The following SRRM2 variants were observed in gnomAD, a reference collection of about 807,000 sequenced individuals.
The protein encoded by SRRM2 is serine/arginine repetitive matrix 2, also known as serine/arginine repetitive matrix protein 2.
In SRRM2, 30 loss-of-function variants were observed where a neutral mutation model predicts 213.8. The observed-to-expected ratio is 0.14, with a 90% CI of 0.10 to 0.19. SRRM2 has a LOEUF of 0.19. SRRM2 is among the 10% of genes least tolerant of loss of function. The pLI is 1.00. For missense variants in SRRM2, 4,904 were observed against 3,647.0 expected (o/e 1.34, Z -8.88); for synonymous variants, 2,025 against 1,377.7 (o/e 1.47, Z -10.40).
In SRRM2 at chr16:2,765,013, G is replaced by T. The variant is rs140489489; in HGVS notation, c.4485G>T (p.Pro1495=). 6.2e-7 allele frequency: 1 copy of T among 1,613,866 alleles called. No homozygotes were observed. Among genetic ancestry groups the T allele is most frequent in the Non-Finnish European group, 8.5e-7 (1 of 1,180,018 alleles). Residue 1495 remains proline, a synonymous_variant, in exon 11 of 15, where the codon CCG becomes CCT. Coordinates refer to ENST00000301740, the MANE Select transcript of SRRM2 (RefSeq NM_016333.4). ...AAGCTTTGCCTCAGACTCCTAGGCC[G>T]AGGAGTCGTTCTCCATCATCCCCAG... ...EPKALPQTPR[P]RSRSPSSPEL... is the part of the protein sequence containing the mutation.
At chr16:2,757,411 G>C (rs1781669823) in intron 2 of SRRM2, 61 bp from the exon 3 acceptor site, 1 of 1,522,504 alleles carries the variant, frequency 6.6e-7, no homozygotes, top group African/African-American at 1.4e-5. Context: ...GAGGGAAATG[G>C]AAACCTGGGA....
In SRRM2 at chr16:2,756,345, C is replaced by T. The variant is rs763337095; in HGVS notation, c.-20C>T. The T allele has an allele frequency of 4.1e-5, 64 of 1,563,910 alleles. No individual in the cohort carries two copies. Among genetic ancestry groups the T allele is most frequent in the Non-Finnish European group, 5.1e-5 (59 of 1,159,186 alleles). On this transcript the variant is annotated 5_prime_UTR_variant, in exon 2 of 15. Transcript: ENST00000301740. ...CCGCTCCCCCTCAGGAGCGGTGGTG[C>T]CCCCCCCGGGCACGGGGCCATGTAC...
intron 10 of SRRM2, 107 bp from the exon 11 acceptor site, chr16:2,761,454 G>GGT: frequency 1.2e-6 from 1 of 869,526 alleles, no homozygotes; most frequent in Non-Finnish European, 1.7e-6. Flanking sequence ...GTGGTCAGAG[G>GGT]GTGTGTAAAA....
rs779413414 is a variant in SRRM2 at position 2,766,324 on chromosome 16, C to T, written c.5796C>T (p.Arg1932=). The part of the protein sequence containing the change: ...RSRSRTPPVT[R]RRSRSRTPTT... ...GATCCAGAACGCCACCAGTAACCCG[C>T]CGTCGTTCAAGGTCTAGAACGCCAA... Residue 1932 remains arginine (R), a synonymous_variant, in exon 11 of 15, where the codon CGC becomes CGT. Transcript: ENST00000301740. This position sits in a 1 kb window ranked among gnomAD's most constrained non-coding sequence, Gnocchi z 7.0. 6.2e-7 allele frequency: 1 copy of T among 1,614,134 alleles called. No homozygotes were observed. The highest frequency in any genetic ancestry group is 1.1e-5 in the South Asian group (1 of 91,080).
rs767740138 is a variant in SRRM2 at position 2,768,076 on chromosome 16, G to A, written c.7548G>A (p.Gln2516=). Residue 2516 remains glutamine, a synonymous_variant, in exon 11 of 15, where the codon CAG becomes CAA. Transcript: ENST00000301740. The part of the protein sequence containing the change: ...VGEPPASTGA[Q]QPSALAALQP... The stretch of plus-strand genomic sequence containing the variant: ...AGCCACCTGCCTCTACTGGGGCCCA[G>A]CAGCCTTCTGCATTAGCCGCCCTGC... 6.2e-6 allele frequency: 10 copies of A among 1,614,170 alleles called. No homozygotes were observed. The South Asian group carries it at 1.1e-4, about 18-fold the overall frequency.
chr16:2,768,289 TC>T, intron 11 of SRRM2, 28 bp downstream of exon 11: 3 of 1,493,932 alleles, frequency 2.0e-6, no homozygotes, highest in Non-Finnish European at 2.7e-6. Context: ...TTAGAAATCT[TC>T]AGTGGGGGAG....
intron 12 of SRRM2, 170 bp downstream of exon 12, chr16:2,769,454 G>A: frequency 1.3e-6 from 1 of 771,016 alleles, no homozygotes; most frequent in Non-Finnish European, 2.1e-6. Context: ...CCCTGTTCTG[G>A]CGAAGGGCTG....
chr16:2,770,085 G>A, intron 12 of SRRM2: 1 of 1,298,580 alleles, frequency 7.7e-7, no homozygotes, highest in South Asian at 1.6e-5. Flanking sequence ...CCACACACGG[G>A]GCCGTGCGTG....
chr16:2,762,901 G>A lies in SRRM2; in HGVS notation c.2373G>A (p.Gln791=), dbSNP rs1567230582. The A allele has an allele frequency of 1.2e-6, 2 of 1,613,996 alleles. No individual in the cohort carries two copies. The highest frequency in any genetic ancestry group is 1.6e-4 in the Middle Eastern group (1 of 6,084). ...GSSPCPKQKS[Q]TPPRRSRSGS... is the part of the protein sequence containing the mutation. ...CCCCATGCCCTAAACAAAAGTCACA[G>A]ACACCACCCAGGCGCAGTCGCTCTG... is the stretch of plus-strand genomic sequence containing the variant. Residue 791 remains glutamine, a synonymous_variant, in exon 11 of 15, where the codon CAG becomes CAA. Transcript: ENST00000301740.
intron 6 of SRRM2, 37 bp from the exon 7 acceptor site, chr16:2,759,103 G>C: frequency 3.1e-6 from 5 of 1,614,150 alleles, no homozygotes; most frequent in Non-Finnish European, 3.4e-6. Flanking sequence ...TCAGGCAGAG[G>C]TGTTTCTTAT....
Position 2,763,671 on chromosome 16 carries a change from G to A in SRRM2, c.3143G>A (p.Ser1048Asn), listed in dbSNP as rs776128431. 6.8e-6 allele frequency: 11 copies of A among 1,614,056 alleles called. No homozygotes were observed. The East Asian group carries it at 1.1e-4, about 16-fold the overall frequency. The change falls in exon 11 of 15, where the codon AGC (serine) becomes AAC (asparagine). Residue 1048 changes from serine to asparagine, a missense_variant. Physicochemically the swap from Ser to Asn is conservative, Grantham distance 46 (BLOSUM62 1). Transcript: ENST00000301740. ...GVKSSTPPGE[S>N]YFGVSSLQLK... is the part of the protein sequence containing the mutation. ...AAATCTAGCACACCACCAGGCGAGAGCTATTTTGGTGTCTCATCTCTGCAA... is the reference window on the plus strand; with the variant it reads ...AAATCTAGCACACCACCAGGCGAGAACTATTTTGGTGTCTCATCTCTGCAA...
chr16:2,759,486 C>G, intron 8 of SRRM2, 83 bp from the exon 9 acceptor site: 1 of 1,599,394 alleles, frequency 6.3e-7, no homozygotes, highest in East Asian at 2.2e-5. Context: ...ATGTCCCTGA[C>G]TGGTAAAGGG....
intron 11 of SRRM2, chr16:2,768,710 C>T (rs1000636142): frequency 7.1e-6 from 5 of 699,654 alleles, no homozygotes; most frequent in Non-Finnish European, 1.3e-5. Context: ...GACTACCCAG[C>T]TTCAGCTTCC....
In SRRM2 at chr16:2,763,889, T is replaced by G; in HGVS notation, c.3361T>G (p.Phe1121Val). The change falls in exon 11 of 15, where the codon TTC (phenylalanine) becomes GTC (valine). Residue 1121 changes from phenylalanine to valine, a missense_variant. Coordinates refer to ENST00000301740, the MANE Select transcript of SRRM2 (RefSeq NM_016333.4). ...TCCAATAAGACAAGATAGAGGTGAG[T>G]TCTCAGCGAGTCCTATGTTGAAATC... ...RSPIRQDRGEFSASPMLKSGM... is the reference protein window; with the variant it reads ...RSPIRQDRGEVSASPMLKSGM... The G allele has an allele frequency of 6.2e-7, 1 of 1,614,112 alleles. No individual in the cohort carries two copies. The highest frequency in any genetic ancestry group is 8.5e-7 in the Non-Finnish European group (1 of 1,180,022).
chr16:2,768,257 A>C lies in SRRM2; in HGVS notation c.7729A>C (p.Lys2577Gln), dbSNP rs2068614690. ...TCCTGTGCAACCTGAGGTGGCACTG[A>C]AGAGGTGAGGGAGCTTGACTTTTAG... ...SLPVQPEVAL[K>Q]RVPSPTPAPK... is the part of the protein sequence containing the mutation. The change falls in exon 11 of 15, where the codon AAG (lysine) becomes CAG (glutamine). Residue 2577 changes from lysine (K) to glutamine (Q), a missense_variant. Coordinates refer to ENST00000301740, the MANE Select transcript of SRRM2 (RefSeq NM_016333.4). 1 of 1,547,996 alleles carries C rather than the reference A, an allele frequency of 6.5e-7. No individual in the cohort carries two copies. Among genetic ancestry groups the C allele is most frequent in the Non-Finnish European group, 8.7e-7 (1 of 1,149,056 alleles).
Position 2,766,674 on chromosome 16 carries a change from C to A in SRRM2, c.6146C>A (p.Ala2049Asp), listed in dbSNP as rs760695792. Residue 2049 changes from alanine to aspartate, a missense_variant, in exon 11 of 15, where the codon GCT becomes GAT. Physicochemically the swap from Ala to Asp is moderately radical, Grantham distance 126 (BLOSUM62 -2). Transcript: ENST00000301740. The surrounding 1 kb of genome is among the most constrained non-coding windows in gnomAD (Gnocchi z 7.0). Reference sequence around the variant, plus strand: ...CGTTCTCGAAGTCGCTCACCACTTGCTATCCGCCGCCGCTCCAGATCCCGT... The same window carrying A: ...CGTTCTCGAAGTCGCTCACCACTTGATATCCGCCGCCGCTCCAGATCCCGT... ...RKRSRSRSPL[A>D]IRRRSRSRTP... The A allele has an allele frequency of 6.2e-7, 1 of 1,614,108 alleles. No individual in the cohort carries two copies. Among genetic ancestry groups the A allele is most frequent in the Non-Finnish European group, 8.5e-7 (1 of 1,180,008 alleles).
At chr16:2,756,978 G>C (rs753731267) in intron 2 of SRRM2, among the ~76,000 whole-genome samples, 3 of 152,104 alleles carry the variant, frequency 2.0e-5, no homozygotes, top group Non-Finnish European at 4.4e-5. Context: ...ATGGATGTAA[G>C]GATTGAGGCC....
Position 2,763,054 on chromosome 16 carries a change from T to C in SRRM2, c.2526T>C (p.Pro842=), listed in dbSNP as rs764697225. The change falls in exon 11 of 15, where the codon CCT becomes CCC. Residue 842 remains proline (P), a synonymous_variant. Transcript: ENST00000301740. ...GTCATTCCAGTTCATCTCCTCATCC[T>C]AAAGTGAAATCTGGAACACCACCGA... ...RQSHSSSSPH[P]KVKSGTPPRQ... 1 of 1,614,160 alleles carries C rather than the reference T, an allele frequency of 6.2e-7. No homozygotes were observed. Among genetic ancestry groups the C allele is most frequent in the Admixed American group, 1.7e-5 (1 of 60,012 alleles).
chr16:2,767,058 C>T lies in SRRM2; in HGVS notation c.6530C>T (p.Ala2177Val). 1 of 1,614,196 alleles carries T rather than the reference C, an allele frequency of 6.2e-7. No homozygotes were observed. Among genetic ancestry groups the T allele is most frequent in the East Asian group, 2.2e-5 (1 of 44,882 alleles). Residue 2177 changes from alanine (A) to valine (V), a missense_variant, in exon 11 of 15, where the codon GCT (alanine) becomes GTT (valine). Physicochemically the swap from Ala to Val is moderately conservative, Grantham distance 64. Coordinates refer to ENST00000301740, the MANE Select transcript of SRRM2 (RefSeq NM_016333.4). The part of the protein sequence containing the change: ...HQRTSVPENH[A>V]QSRIALALTA... Reference sequence around the variant, plus strand: ...AGAACATCTGTGCCAGAAAATCATGCTCAGTCCAGGATTGCACTTGCCCTG... The same window carrying T: ...AGAACATCTGTGCCAGAAAATCATGTTCAGTCCAGGATTGCACTTGCCCTG...
Sources: allele counts gnomAD v4.1 joint callset (sites outside exome capture counted in the v4.1 genomes callset), GRCh38; gene constraint gnomAD v4.1.1; non-coding constraint Gnocchi (gnomAD v3.1); transcripts MANE v1.5; gene names NCBI Gene and HGNC (gene_info 2026-07-23, HGNC 2026-07-21).